The following DGKB variants were observed in gnomAD, a reference collection of about 807,000 sequenced individuals.
The protein encoded by DGKB is diacylglycerol kinase beta.
DGKB carries 67 observed loss-of-function variants against 114.3 expected under a neutral mutation model. The ratio of observed to expected loss-of-function variants is 0.59; its 90% confidence interval spans 0.48 to 0.72. DGKB has a LOEUF of 0.72. Among genes scored for constraint, DGKB ranks in the 30% least tolerant of loss-of-function variants. The pLI is 0.00. For missense variants in DGKB, 907 were observed against 975.2 expected (o/e 0.93, Z 0.93); for synonymous variants, 398 against 323.1 (o/e 1.23, Z -2.49).
At chr7:14,616,757 C>G (rs775582736) in intron 15 of DGKB, among the ~76,000 whole-genome samples, 1 of 151,776 alleles carries the variant, frequency 6.6e-6, no homozygotes. Flanking sequence ...GCTTGAGGCT[C>G]TCTCTACAGA....
chr7:14,580,379 G>A (rs983362304), intron 19 of DGKB, among the ~76,000 whole-genome samples: 5 of 151,934 alleles, frequency 3.3e-5, no homozygotes, highest in Non-Finnish European at 2.9e-5. Context: ...TTTTTCTTTT[G>A]TCAACTCTGT....
intron 22 of DGKB, among the ~76,000 whole-genome samples, chr7:14,343,799 G>T (rs1047752165): frequency 1.3e-5 from 2 of 149,520 alleles, no homozygotes; most frequent in African/African-American, 4.9e-5. Flanking sequence ...AAGAGTAAAG[G>T]GGTATGTATA....
At chr7:14,173,757 C>T (rs116210008) in intron 25 of DGKB, among the ~76,000 whole-genome samples, 4 of 152,146 alleles carry the variant, frequency 2.6e-5, no homozygotes, top group East Asian at 3.9e-4. Context: ...GAACCCCATG[C>T]GGCTGTGGGA....
At chr7:14,403,649 T>A (rs1304046644) in intron 21 of DGKB, among the ~76,000 whole-genome samples, 1 of 152,000 alleles carries the variant, frequency 6.6e-6, no homozygotes, top group Admixed American at 6.6e-5. Context: ...TAGTGTCCCA[T>A]TGTATCCATT....
chr7:14,639,561 C>G (rs1443086354), intron 13 of DGKB, among the ~76,000 whole-genome samples: 1 of 152,142 alleles, frequency 6.6e-6, no homozygotes, highest in African/African-American at 2.4e-5. Flanking sequence ...CCAGGAGGCC[C>G]TAGATAATGA....
rs1587151970 is a variant in DGKB, at chr7:14,882,166, G to A, written c.-188+20426C>T. Among the ~76,000 whole-genome samples, 2 of 152,070 alleles carry A rather than the reference G, an allele frequency of 1.3e-5. 1 individual carries two copies. The highest frequency in any genetic ancestry group is 4.2e-4 in the South Asian group (2 of 4,816). On this transcript the variant is annotated intron_variant, in intron 1 of 25. Transcript: ENST00000402815. ...TAGGAAAATTTGGAGTTAAAAAAGT[G>A]AGAAAGTAAATATGGATATATTTGG...
intron 21 of DGKB, among the ~76,000 whole-genome samples, chr7:14,383,046 C>A (rs1228813959): frequency 1.3e-5 from 2 of 152,200 alleles, no homozygotes; most frequent in Admixed American, 1.3e-4. Context: ...TGAACAAGAA[C>A]TTCCTTCTCC....
chr7:14,474,373 G>A (rs1214349952), intron 21 of DGKB, among the ~76,000 whole-genome samples: 1 of 152,168 alleles, frequency 6.6e-6, no homozygotes, highest in African/African-American at 2.4e-5. Flanking sequence ...TCAGCCATGT[G>A]GAACTGTAAG....
At chr7:14,747,898 G>T (rs532945518) in intron 4 of DGKB, among the ~76,000 whole-genome samples, 1 of 152,280 alleles carries the variant, frequency 6.6e-6, no homozygotes, top group South Asian at 2.1e-4. Flanking sequence ...AAAGAAGACT[G>T]ACTGAGGGAG....
At chr7:14,723,607 AT>A (rs1829584371) in intron 5 of DGKB, among the ~76,000 whole-genome samples, 2 of 152,094 alleles carry the variant, frequency 1.3e-5, no homozygotes, top group Non-Finnish European at 1.5e-5. Context: ...ACACACATAT[AT>A]ATGTGTATGT....
intron 2 of DGKB, among the ~76,000 whole-genome samples, chr7:14,828,968 T>C (rs1846063128): frequency 6.6e-6 from 1 of 152,050 alleles, no homozygotes; most frequent in Non-Finnish European, 1.5e-5. Context: ...CAGACTAATG[T>C]TGCTAAGCAA....
intron 17 of DGKB, among the ~76,000 whole-genome samples, chr7:14,591,911 A>G (rs1290586790): frequency 6.6e-6 from 1 of 152,000 alleles, no homozygotes; most frequent in Non-Finnish European, 1.5e-5. Context: ...TTTTTAAAAG[A>G]AAAGAAAATT....
intron 2 of DGKB, among the ~76,000 whole-genome samples, chr7:14,830,681 A>G (rs1306335476): frequency 6.6e-6 from 1 of 152,046 alleles, no homozygotes; most frequent in Non-Finnish European, 1.5e-5. Flanking sequence ...AAAAAGCAAC[A>G]CAGCCTGCTC....
intron 20 of DGKB, among the ~76,000 whole-genome samples, chr7:14,517,772 C>A (rs1229164031): frequency 6.6e-6 from 1 of 152,006 alleles, no homozygotes; most frequent in Non-Finnish European, 1.5e-5. Flanking sequence ...CCATCCCATA[C>A]CAGTCAGAAT....
chr7:14,238,615 T>G (rs1793178545), intron 23 of DGKB, among the ~76,000 whole-genome samples: 1 of 151,928 alleles, frequency 6.6e-6, no homozygotes, highest in South Asian at 2.1e-4. Context: ...TAGCAAATCA[T>G]TCTGAAAATG....
chr7:14,489,985 C>T (rs910391146), intron 20 of DGKB, among the ~76,000 whole-genome samples: 1 of 151,964 alleles, frequency 6.6e-6, no homozygotes, highest in Admixed American at 6.6e-5. Context: ...ACTTTCACGG[C>T]AAAAGTCTGA....
intron 23 of DGKB, among the ~76,000 whole-genome samples, chr7:14,319,935 C>T (rs1000587948): frequency 2.0e-5 from 3 of 152,186 alleles, no homozygotes; most frequent in Admixed American, 1.3e-4. Flanking sequence ...CATTTGTATT[C>T]TCACCTTGGG....
intron 23 of DGKB, among the ~76,000 whole-genome samples, chr7:14,275,003 C>T (rs554945616): frequency 1.1e-4 from 16 of 150,790 alleles, no homozygotes; most frequent in Admixed American, 3.3e-4. Flanking sequence ...AATGTGATTT[C>T]TTCTGTTTGA....
At chr7:14,581,283 A>C (rs575839788) in intron 18 of DGKB, among the ~76,000 whole-genome samples, 11 of 152,232 alleles carry the variant, frequency 7.2e-5, no homozygotes, top group South Asian at 2.1e-4. Context: ...TATATACAGC[A>C]TAAGATTACA....
Sources: gnomAD v4.1 joint callset for allele counts (sites outside exome capture counted in the v4.1 genomes callset) on GRCh38, gnomAD v4.1.1 for gene constraint, MANE v1.5 for transcripts, NCBI Gene and HGNC (gene_info 2026-07-23, HGNC 2026-07-21) for gene names.